Variants in PHF24 observed in about 807,000 individuals in gnomAD.
The protein encoded by PHF24 is Galpha inhibitory interacting protein.
PHF24 carries 25 observed loss-of-function variants against 42.6 expected under a neutral mutation model. The ratio of observed to expected loss-of-function variants is 0.59; its 90% confidence interval spans 0.43 to 0.82. PHF24 has a LOEUF of 0.82. Among genes scored for constraint, PHF24 ranks in the 40% least tolerant of loss-of-function variants. PHF24 has a pLI of 0.00. For missense variants in PHF24, 470 were observed against 538.1 expected (o/e 0.87, Z 1.25); for synonymous variants, 185 against 204.8 (o/e 0.90, Z 0.83).
At chr9:34,885,142 T>A in the PHF24 span, among the ~76,000 whole-genome samples, 2 of 152,214 alleles carry the variant, frequency 1.3e-5, no homozygotes, top group Admixed American at 1.3e-4. Flanking sequence ...TCCTTTGATC[T>A]TTGGGGATGC....
chr9:34,693,445 C>T, the PHF24 span, among the ~76,000 whole-genome samples: 1 of 152,168 alleles, frequency 6.6e-6, no homozygotes, highest in Non-Finnish European at 1.5e-5. Context: ...CAAAGAGTAG[C>T]CTTTGGGCAG....
chr9:34,931,104 G>A, the PHF24 span, among the ~76,000 whole-genome samples: 5 of 152,126 alleles, frequency 3.3e-5, no homozygotes, highest in African/African-American at 7.2e-5. Context: ...GAGGCCGAGC[G>A]CGGTGGCTCA....
At chr9:34,976,872 TC>T in intron 5 of PHF24, 132 bp downstream of exon 5, 1 of 913,670 alleles carries the variant, frequency 1.1e-6, no homozygotes, top group Non-Finnish European at 1.6e-6. Flanking sequence ...TCAGGTTCCA[TC>T]CAGTGACAGA....
the PHF24 span, among the ~76,000 whole-genome samples, chr9:34,700,490 C>T: frequency 1.3e-5 from 2 of 152,230 alleles, no homozygotes; most frequent in African/African-American, 4.8e-5. Flanking sequence ...AAATTTTTGA[C>T]TTGAGAAACT....
At chr9:34,742,245 TC>T in the PHF24 span, among the ~76,000 whole-genome samples, 3 of 152,202 alleles carry the variant, frequency 2.0e-5, no homozygotes, top group African/African-American at 7.2e-5. Context: ...GAAGAAAAAC[TC>T]ACTTGGAAAA....
At chr9:34,721,567 C>T in the PHF24 span, among the ~76,000 whole-genome samples, 41 of 152,092 alleles carry the variant, frequency 2.7e-4, no homozygotes, top group Non-Finnish European at 5.6e-4. Flanking sequence ...CGCACCACCA[C>T]GCCCAGATAA....
At chr9:34,965,009 A>G (rs1826720246) in intron 1 of PHF24, among the ~76,000 whole-genome samples, 1 of 152,196 alleles carries the variant, frequency 6.6e-6, no homozygotes. Flanking sequence ...ATCATTAGGT[A>G]TAATTTGTGG....
the PHF24 span, among the ~76,000 whole-genome samples, chr9:34,931,799 T>G: frequency 6.6e-6 from 1 of 152,100 alleles, no homozygotes; most frequent in African/African-American, 2.4e-5. Context: ...CTCAGGTATT[T>G]CTTTATGGCA....
At chr9:34,731,246 T>C in the PHF24 span, among the ~76,000 whole-genome samples, 5 of 152,256 alleles carry the variant, frequency 3.3e-5, no homozygotes, top group African/African-American at 1.2e-4. Flanking sequence ...GGGGTATCCA[T>C]CACCTCAAGC....
chr9:34,836,606 G>C, the PHF24 span, among the ~76,000 whole-genome samples: 3 of 152,124 alleles, frequency 2.0e-5, no homozygotes, highest in Non-Finnish European at 4.4e-5. Context: ...AAGATGATAG[G>C]CTCCTGTCTT....
At chr9:34,771,333 G>A in the PHF24 span, among the ~76,000 whole-genome samples, 1 of 152,188 alleles carries the variant, frequency 6.6e-6, no homozygotes, top group African/African-American at 2.4e-5. Context: ...GCATGTTACT[G>A]TACTGAATAC....
At chr9:34,977,884 A>C (rs746775973) in intron 7 of PHF24, 131 bp from the exon 8 acceptor site, 13 of 805,234 alleles carry the variant, frequency 1.6e-5, no homozygotes, top group Non-Finnish European at 2.5e-5. Flanking sequence ...TGTGTAGCTC[A>C]AGCCATGCTG....
chr9:34,878,059 TTAATAA>T, the PHF24 span, among the ~76,000 whole-genome samples: 1 of 152,148 alleles, frequency 6.6e-6, no homozygotes, highest in South Asian at 2.1e-4. Context: ...CAGGCTTTAG[TTAATAA>T]TAATGTATCA....
chr9:34,793,053 C>A, the PHF24 span, among the ~76,000 whole-genome samples: 1 of 151,990 alleles, frequency 6.6e-6, no homozygotes. Flanking sequence ...ATATTTTTAT[C>A]ATAATTCTAA....
At chr9:34,680,687 CA>C in the PHF24 span, among the ~76,000 whole-genome samples, 7 of 124,684 alleles carry the variant, frequency 5.6e-5, no homozygotes, top group African/African-American at 1.2e-4. Flanking sequence ...GACTCCGTCT[CA>C]AAAAAAAAAA....
exon 8 of PHF24, chr9:34,980,493 G>C (rs1035895142): frequency 6.6e-6 from 1 of 152,308 alleles, no homozygotes; most frequent in African/African-American, 2.4e-5. Context: ...CGAAGGAGCA[G>C]CCAGCCTCTT....
At chr9:34,744,151 CT>C in the PHF24 span, among the ~76,000 whole-genome samples, 3 of 152,186 alleles carry the variant, frequency 2.0e-5, no homozygotes, top group African/African-American at 7.2e-5. Flanking sequence ...CCATAGCACC[CT>C]GTTTCTCCTG....
the PHF24 span, among the ~76,000 whole-genome samples, chr9:34,888,515 C>T: frequency 6.6e-6 from 1 of 152,172 alleles, no homozygotes; most frequent in Non-Finnish European, 1.5e-5. Flanking sequence ...TTGGAACAGG[C>T]AACAGGACTA....
the PHF24 span, among the ~76,000 whole-genome samples, chr9:34,908,728 T>C: frequency 9.2e-5 from 14 of 152,158 alleles, no homozygotes; most frequent in African/African-American, 2.4e-4. Flanking sequence ...GCCTCCATAG[T>C]ATGGTGTCCT....
Sources: gnomAD v4.1 joint callset for allele counts (sites outside exome capture counted in the v4.1 genomes callset) on GRCh38, gnomAD v4.1.1 for gene constraint, MANE v1.5 for transcripts, NCBI Gene and HGNC (gene_info 2026-07-23, HGNC 2026-07-21) for gene names.